KCNE1: variants seen among roughly 807,000 people sequenced by gnomAD.
The protein encoded by KCNE1 is potassium voltage-gated channel subfamily E member 1.
A neutral mutation model predicts 2.9 loss-of-function variants in KCNE1; 1 was observed. The observed-to-expected ratio is 0.34, with a 90% CI of 0.12 to 1.62. The LOEUF (loss-of-function observed/expected upper bound fraction) is 1.62, where lower values mean the gene tolerates loss of function less well. KCNE1 is among the 40% of genes most tolerant of loss of function. The pLI is 0.36. For synonymous variants in KCNE1, 23 were observed against 65.4 expected (o/e 0.35, Z 3.13); for missense variants, 45 against 150.5 (o/e 0.30, Z 3.67).
At chr21:34,502,702 T>G (rs868476618) in intron 2 of KCNE1, among the ~76,000 whole-genome samples, 34 of 152,228 alleles carry the variant, frequency 2.2e-4, no homozygotes, top group African/African-American at 8.0e-4. Flanking sequence ...CATTGGAGAC[T>G]TACTGTCCGT....
chr21:34,506,148 T>C (rs928322520), intron 2 of KCNE1, among the ~76,000 whole-genome samples: 1 of 152,218 alleles, frequency 6.6e-6, no homozygotes, highest in African/African-American at 2.4e-5. Context: ...TATGTGGCTA[T>C]AGCCATATTG....
intron 2 of KCNE1, among the ~76,000 whole-genome samples, chr21:34,500,953 T>C (rs1405419502): frequency 1.3e-5 from 2 of 152,234 alleles, no homozygotes; most frequent in Non-Finnish European, 2.9e-5. Flanking sequence ...CTCAACTGCA[T>C]GCCAACTTCT....
intron 2 of KCNE1, among the ~76,000 whole-genome samples, chr21:34,504,189 G>A (rs1983337289): frequency 6.6e-6 from 1 of 151,664 alleles, no homozygotes; most frequent in Non-Finnish European, 1.5e-5. Flanking sequence ...CTTTGGACTC[G>A]GGTGTGTGTT....
intron 2 of KCNE1, among the ~76,000 whole-genome samples, chr21:34,499,164 C>T (rs1983000120): frequency 6.6e-6 from 1 of 152,120 alleles, no homozygotes; most frequent in Admixed American, 6.5e-5. Flanking sequence ...ATATAGGTCA[C>T]CAGGGAAGTA....
At chr21:34,508,175 T>G (rs1285535064) in intron 2 of KCNE1, among the ~76,000 whole-genome samples, 1 of 150,628 alleles carries the variant, frequency 6.6e-6, no homozygotes, top group Non-Finnish European at 1.5e-5. Flanking sequence ...TATAGGTGCA[T>G]GCCACCACTC....
At position 34,511,281 on chromosome 21, in the gene KCNE1, A is replaced by C; in HGVS notation, c.-342T>G. 1.0e-6 allele frequency: 1 copy of C among 985,532 alleles called. No homozygotes were observed. The highest frequency in any genetic ancestry group is 1.2e-6 in the Non-Finnish European group (1 of 829,998). 61.0% of individuals were successfully genotyped at this position (985,532 alleles called of 1,614,324 possible). On this transcript the variant is annotated 5_prime_UTR_variant, in exon 2 of 4. Transcript: ENST00000399286. ...CAGGCCATGCCATTCAACGCCCTCC[A>C]GGACAGGCCGAAGGGCTTGTCTGTT...
chr21:34,498,993 C>T (rs56909293), intron 2 of KCNE1, among the ~76,000 whole-genome samples: 2 of 152,138 alleles, frequency 1.3e-5, no homozygotes, highest in African/African-American at 4.8e-5. Context: ...ACTACCAGGG[C>T]AGGTAGAGAA....
chr21:34,507,947 T>G (rs1983600187), intron 2 of KCNE1, among the ~76,000 whole-genome samples: 1 of 152,230 alleles, frequency 6.6e-6, no homozygotes, highest in Admixed American at 6.5e-5. Flanking sequence ...TCATGCATGC[T>G]TGCTGGTGTT....
intron 2 of KCNE1, among the ~76,000 whole-genome samples, chr21:34,505,946 ACT>A (rs981963235): frequency 2.6e-5 from 4 of 152,212 alleles, no homozygotes; most frequent in Non-Finnish European, 5.9e-5. Context: ...GGCAATATAG[ACT>A]CTGGGGGAAA....
intron 2 of KCNE1, among the ~76,000 whole-genome samples, chr21:34,496,106 A>C (rs2123501161): frequency 6.6e-6 from 1 of 151,184 alleles, no homozygotes; most frequent in Admixed American, 6.6e-5. Flanking sequence ...ATGGAGTCTC[A>C]CTCTGTGGCC....
chr21:34,505,245 TGCCTCA>T (rs1238516109), intron 2 of KCNE1, among the ~76,000 whole-genome samples: 1 of 152,152 alleles, frequency 6.6e-6, no homozygotes, highest in Non-Finnish European at 1.5e-5. Context: ...GCAATTCTTC[TGCCTCA>T]GCCTCCCAAG....
intron 2 of KCNE1, among the ~76,000 whole-genome samples, chr21:34,495,509 A>AG (rs1376500689): frequency 2.7e-5 from 2 of 75,290 alleles, no homozygotes; most frequent in East Asian, 3.8e-4. Context: ...CTGGTCCTGG[A>AG]CTTTTTTTTT....
At chr21:34,508,494 C>T (rs1013739230) in intron 2 of KCNE1, among the ~76,000 whole-genome samples, 4 of 152,112 alleles carry the variant, frequency 2.6e-5, no homozygotes, top group African/African-American at 9.7e-5. Context: ...AGGCGCACAC[C>T]ATCACACTCG....
At chr21:34,510,130 G>C (rs976856821) in intron 2 of KCNE1, 3 of 152,396 alleles carry the variant, frequency 2.0e-5, no homozygotes, top group Non-Finnish European at 4.4e-5. Flanking sequence ...TGCAGGGCCA[G>C]TTCACCCCTC....
At chr21:34,497,184 G>T (rs1982862590) in intron 2 of KCNE1, among the ~76,000 whole-genome samples, 1 of 152,118 alleles carries the variant, frequency 6.6e-6, no homozygotes, top group African/African-American at 2.4e-5. Flanking sequence ...GAGATGTGAG[G>T]TACTGTTCTA....
At chr21:34,500,770 A>G (rs912147921) in intron 2 of KCNE1, among the ~76,000 whole-genome samples, 5 of 152,214 alleles carry the variant, frequency 3.3e-5, no homozygotes, top group Admixed American at 1.3e-4. Context: ...CTAACAATAT[A>G]TCTTGGATAT....
chr21:34,496,167 A>G (rs111494344), intron 2 of KCNE1, among the ~76,000 whole-genome samples: 3,460 of 151,922 alleles, frequency 0.023, 100 homozygotes, highest in East Asian at 0.1. Context: ...TCCGCCTCCC[A>G]GGTTCACACC....
intron 2 of KCNE1, among the ~76,000 whole-genome samples, chr21:34,499,902 C>T (rs1437417613): frequency 6.6e-6 from 1 of 152,182 alleles, no homozygotes; most frequent in East Asian, 1.9e-4. Context: ...CCACATACTC[C>T]TCTGTCTGTC....
At chr21:34,505,728 C>T (rs916489553) in intron 2 of KCNE1, among the ~76,000 whole-genome samples, 4 of 152,220 alleles carry the variant, frequency 2.6e-5, no homozygotes, top group African/African-American at 7.2e-5. Context: ...TCCTGAGTGG[C>T]CCACGCAGAT....
Sources: allele counts gnomAD v4.1 joint callset (sites outside exome capture counted in the v4.1 genomes callset), GRCh38; gene constraint gnomAD v4.1.1; transcripts MANE v1.5; gene names NCBI Gene and HGNC (gene_info 2026-07-23, HGNC 2026-07-21).